The following ZNF141 variants were observed in gnomAD, a reference collection of about 807,000 sequenced individuals.
ZNF141 encodes zinc finger protein 141 (clone pHZ-44).
ZNF141 carries 7 observed loss-of-function variants against 11.3 expected under a neutral mutation model. That is an observed-to-expected ratio of 0.62 (90% CI 0.35 to 1.16). The LOEUF is 1.16. ZNF141 is among the 50% of genes most tolerant of loss of function. The pLI is 0.02. For missense variants in ZNF141, 535 were observed against 554.0 expected (o/e 0.97, Z 0.34); for synonymous variants, 183 against 190.7 (o/e 0.96, Z 0.33).
Position 372,711 on chromosome 4 carries a change from G to A in ZNF141, c.274G>A (p.Glu92Lys), listed in dbSNP as rs782242415. The A allele has an allele frequency of 1.2e-6, 2 of 1,606,148 alleles. No individual in the cohort carries two copies. The highest frequency in any genetic ancestry group is 1.7e-6 in the Non-Finnish European group (2 of 1,175,650). The change falls in exon 4 of 4, where the codon GAA becomes AAA. Residue 92 changes from glutamate to lysine, a missense_variant. By Grantham distance (56) the Glu-to-Lys change is moderately conservative. Coordinates refer to ENST00000240499, the MANE Select transcript of ZNF141 (RefSeq NM_003441.4). ...TQDHWPVQGI[E>K]DSFHKLILRR... ...AGACCATTGGCCAGTGCAGGGCATAGAAGATTCATTCCACAAACTTATACT... is the reference window on the plus strand; with the variant it reads ...AGACCATTGGCCAGTGCAGGGCATAAAAGATTCATTCCACAAACTTATACT...
intron 3 of ZNF141, among the ~76,000 whole-genome samples, chr4:370,885 C>T (rs1486177690): frequency 6.6e-6 from 1 of 151,830 alleles, no homozygotes; most frequent in Non-Finnish European, 1.5e-5. Context: ...TGCCCACCAC[C>T]ACGCCCAGCT....
Position 373,197 on chromosome 4 carries a change from C to T in ZNF141, c.760C>T (p.Pro254Ser), listed in dbSNP as rs1193082523. 7 of 1,613,940 alleles carry T rather than the reference C, an allele frequency of 4.3e-6. No homozygotes were observed. The highest frequency in any genetic ancestry group is 8.5e-7 in the Non-Finnish European group (1 of 1,179,990). The part of the protein sequence containing the change: ...KHKIIHTGEK[P>S]YKCEECGKAF... Reference sequence around the variant, plus strand: ...TAAAATAATTCATACTGGAGAAAAACCCTATAAATGTGAAGAATGTGGCAA... The same window carrying T: ...TAAAATAATTCATACTGGAGAAAAATCCTATAAATGTGAAGAATGTGGCAA... Residue 254 changes from proline (P) to serine (S), a missense_variant, in exon 4 of 4, where the codon CCC (proline) becomes TCC (serine). Transcript: ENST00000240499.
intron 3 of ZNF141, among the ~76,000 whole-genome samples, chr4:351,136 CCTTTG>C (rs1338407770): frequency 6.6e-6 from 1 of 152,054 alleles, no homozygotes; most frequent in Non-Finnish European, 1.5e-5. Flanking sequence ...ACTCACTCTC[CCTTTG>C]CTTTGTGCCG....
rs1712824990 is a variant in ZNF141 at position 384,513 on chromosome 4, G to A, written c.*10651G>A. On this transcript the variant is annotated 3_prime_UTR_variant, in exon 4 of 4. Transcript: ENST00000240499. ...GAAGAGACTGTCCCACTTAGGCCCAGGTGTAATGAATCAACCTAAATGTCA... is the reference window on the plus strand; with the variant it reads ...GAAGAGACTGTCCCACTTAGGCCCAAGTGTAATGAATCAACCTAAATGTCA... The A allele has an allele frequency of 6.6e-6, 1 of 152,104 alleles. No homozygotes were observed. The highest frequency in any genetic ancestry group is 1.5e-5 in the Non-Finnish European group (1 of 68,014). 9.4% of individuals were successfully genotyped at this position (152,104 alleles called of 1,614,324 possible).
chr4:371,209 T>A (rs1224746531), intron 3 of ZNF141, among the ~76,000 whole-genome samples: 6 of 150,906 alleles, frequency 4.0e-5, no homozygotes, highest in African/African-American at 1.5e-4. Context: ...ACTTTGTACA[T>A]CTTCATTTTT....
rs559609630 is a variant in ZNF141, at chr4:374,330, C to T, written c.*468C>T. ...GCAAAGCCTTTAAATGGTCCTCAACCCTTAATGAACGTAAGTGAATTCATG... is the reference window on the plus strand; with the variant it reads ...GCAAAGCCTTTAAATGGTCCTCAACTCTTAATGAACGTAAGTGAATTCATG... On this transcript the variant is annotated 3_prime_UTR_variant, in exon 4 of 4. Transcript: ENST00000240499. 6 of 324,782 alleles carry T rather than the reference C, an allele frequency of 1.8e-5. No homozygotes were observed. The Admixed American group carries it at 1.9e-4, about 10-fold the overall frequency. The allele number at this position is 324,782 out of a possible 1,614,324, so 20.1% of individuals were successfully genotyped here.
intron 3 of ZNF141, among the ~76,000 whole-genome samples, chr4:367,721 T>G (rs1711817639): frequency 6.6e-6 from 1 of 152,106 alleles, no homozygotes; most frequent in Non-Finnish European, 1.5e-5. Flanking sequence ...TTCACCATAT[T>G]GGCCAGGCTA....
At chr4:358,163 T>G in intron 3 of ZNF141, 4 of 413,724 alleles carry the variant, frequency 9.7e-6, no homozygotes, top group South Asian at 7.0e-5. Context: ...TGTATTTGGT[T>G]CTTTTTTAAG....
At chr4:344,509 T>A (rs1291006317) in intron 3 of ZNF141, 79 bp downstream of exon 3, 73 of 1,333,508 alleles carry the variant, frequency 5.5e-5, no homozygotes, top group Non-Finnish European at 6.9e-5. Context: ...TAAAATGTGG[T>A]TTGGGGCCGG....
Position 373,945 on chromosome 4 carries a change from A to G in ZNF141, c.*83A>G. The G allele has an allele frequency of 8.1e-7, 1 of 1,237,266 alleles. No individual in the cohort carries two copies. The highest frequency in any genetic ancestry group is 1.1e-6 in the Non-Finnish European group (1 of 878,416). 76.6% of individuals were successfully genotyped at this position (1,237,266 alleles called of 1,614,324 possible). On this transcript the variant is annotated 3_prime_UTR_variant, in exon 4 of 4. Transcript: ENST00000240499. ...ATGAACATGAGAAAATTTATACTGT[A>G]GAGAAACCCTGGAAATGTGAAGAAC... is the stretch of plus-strand genomic sequence containing the variant.
intron 3 of ZNF141, among the ~76,000 whole-genome samples, chr4:346,889 A>C (rs1721346357): frequency 8.2e-6 from 1 of 122,128 alleles, no homozygotes; most frequent in Admixed American, 7.8e-5. Flanking sequence ...ACACACACAC[A>C]CACACCGCCC....
In ZNF141 at chr4:374,029, G is replaced by C; in HGVS notation, c.*167G>C. The C allele has an allele frequency of 1.5e-6, 1 of 678,334 alleles. No individual in the cohort carries two copies. The highest frequency in any genetic ancestry group is 2.6e-6 in the Non-Finnish European group (1 of 391,820). 42.0% of individuals were successfully genotyped at this position (678,334 alleles called of 1,614,324 possible). ...GATAAACATAAGAGAATTCATACCG[G>C]AGAGAAACTGTACAAATGTGAAGAA... On this transcript the variant is annotated 3_prime_UTR_variant, in exon 4 of 4. Coordinates refer to ENST00000240499, the MANE Select transcript of ZNF141 (RefSeq NM_003441.4).
Position 378,487 on chromosome 4 carries a change from C to T in ZNF141, c.*4625C>T, listed in dbSNP as rs1553854997. On this transcript the variant is annotated 3_prime_UTR_variant, in exon 4 of 4. Coordinates refer to ENST00000240499, the MANE Select transcript of ZNF141 (RefSeq NM_003441.4). ...GTTTCACCATGTTGGCCAGGATGGT[C>T]TCGATCTTTTGACCTCATGATCTGC... Among the ~76,000 whole-genome samples the T allele has an allele frequency of 1.3e-5, 2 of 152,064 alleles. No individual in the cohort carries two copies. The highest frequency in any genetic ancestry group is 2.4e-5 in the African/African-American group (1 of 41,418).
intron 3 of ZNF141, among the ~76,000 whole-genome samples, chr4:370,694 T>C (rs1183637041): frequency 5.3e-5 from 8 of 152,184 alleles, no homozygotes; most frequent in East Asian, 1.9e-4. Flanking sequence ...TGCTTTGTTA[T>C]AAATCTCCTT....
chr4:344,267 A>T (rs559343899), intron 2 of ZNF141, 68 bp from the exon 3 acceptor site: 139 of 1,323,066 alleles, frequency 1.1e-4, no homozygotes, highest in Non-Finnish European at 1.4e-4. Context: ...TGCTTAGCGT[A>T]GTACTAGGTT....
intron 1 of ZNF141, among the ~76,000 whole-genome samples, chr4:343,310 C>T (rs1721145584): frequency 6.6e-6 from 1 of 152,146 alleles, no homozygotes; most frequent in African/African-American, 2.4e-5. Context: ...CCTTTTTCTG[C>T]AGAGCTATAG....
intron 1 of ZNF141, chr4:342,807 A>G: frequency 5.0e-6 from 8 of 1,603,360 alleles, no homozygotes; most frequent in Non-Finnish European, 6.8e-6. Flanking sequence ...ACAGCACTAC[A>G]GAAAAAATTC....
intron 3 of ZNF141, among the ~76,000 whole-genome samples, chr4:347,317 G>C (rs1721378163): frequency 6.7e-6 from 1 of 148,304 alleles, no homozygotes; most frequent in Non-Finnish European, 1.5e-5. Flanking sequence ...GATTACAGGA[G>C]TGAGACACCA....
chr4:352,839 T>C (rs1294333371), intron 3 of ZNF141, among the ~76,000 whole-genome samples: 1 of 152,140 alleles, frequency 6.6e-6, no homozygotes. Flanking sequence ...TTTATCAAAT[T>C]ATTAAATTTG....
Sources: allele counts gnomAD v4.1 joint callset (sites outside exome capture counted in the v4.1 genomes callset), GRCh38; gene constraint gnomAD v4.1.1; transcripts MANE v1.5; gene names NCBI Gene and HGNC (gene_info 2026-07-23, HGNC 2026-07-21).